The following GRM7 variants were observed in gnomAD, a reference collection of about 807,000 sequenced individuals.
GRM7 encodes metabotropic glutamate receptor 7.
Under a neutral mutation model 84.5 loss-of-function variants are expected in GRM7, and 35 were observed. That is an observed-to-expected ratio of 0.41 (90% CI 0.32 to 0.55). The LOEUF (loss-of-function observed/expected upper bound fraction) is 0.55. GRM7 is among the 20% of genes least tolerant of loss of function. The pLI is 0.19. For synonymous variants in GRM7, 487 were observed against 455.1 expected (o/e 1.07, Z -0.89); for missense variants, 1,003 against 1,194.6 (o/e 0.84, Z 2.36).
chr3:7,679,963 A>T, intron 8 of GRM7, 86 bp from the exon 9 acceptor site: 4 of 1,253,928 alleles, frequency 3.2e-6, no homozygotes, highest in Non-Finnish European at 3.4e-6. Context: ...TCCTAGCCAT[A>T]GTCGTTCTTG....
chr3:7,484,433 A>G (rs531882776), intron 7 of GRM7, among the ~76,000 whole-genome samples: 69 of 152,324 alleles, frequency 4.5e-4, no homozygotes, highest in African/African-American at 1.5e-3. Context: ...GATAATATCA[A>G]TACTGTGAGT....
intron 4 of GRM7, among the ~76,000 whole-genome samples, chr3:7,309,087 G>C (rs1700298734): frequency 6.6e-6 from 1 of 152,160 alleles, no homozygotes; most frequent in South Asian, 2.1e-4. Context: ...CCAGAGAAGA[G>C]TGAAGATTTT....
chr3:7,061,766 C>T (rs1697441576), intron 1 of GRM7, among the ~76,000 whole-genome samples: 1 of 151,628 alleles, frequency 6.6e-6, no homozygotes, highest in Admixed American at 6.6e-5. Flanking sequence ...TAATAACCTG[C>T]AAGACCATCC....
chr3:6,963,127 T>C (rs1479436274), intron 1 of GRM7, among the ~76,000 whole-genome samples: 1 of 152,216 alleles, frequency 6.6e-6, no homozygotes, highest in Non-Finnish European at 1.5e-5. Flanking sequence ...GGAGATGTTT[T>C]CCAGGTGGCC....
chr3:7,010,697 G>C (rs1559382277), intron 1 of GRM7, among the ~76,000 whole-genome samples: 1 of 152,308 alleles, frequency 6.6e-6, no homozygotes, highest in East Asian at 1.9e-4. Context: ...GGAGCTAGTT[G>C]AGAAGAGTGT....
At chr3:6,890,917 T>C (rs190078789) in intron 1 of GRM7, among the ~76,000 whole-genome samples, 1 of 152,286 alleles carries the variant, frequency 6.6e-6, no homozygotes, top group East Asian at 1.9e-4. Flanking sequence ...TGGGTGCTCC[T>C]GTATTGGGTG....
chr3:7,685,329 T>A (rs186652899), intron 9 of GRM7, among the ~76,000 whole-genome samples: 1 of 152,210 alleles, frequency 6.6e-6, no homozygotes, highest in Non-Finnish European at 1.5e-5. Context: ...GGCCCTAAGC[T>A]ACCTTTCTCT....
chr3:7,008,341 C>T (rs1559380973), intron 1 of GRM7, among the ~76,000 whole-genome samples: 1 of 152,136 alleles, frequency 6.6e-6, no homozygotes, highest in African/African-American at 2.4e-5. Context: ...TTGTTTAGGA[C>T]CTGGTCCTTA....
intron 1 of GRM7, among the ~76,000 whole-genome samples, chr3:6,957,103 C>T (rs929299637): frequency 1.3e-5 from 2 of 152,176 alleles, no homozygotes; most frequent in African/African-American, 4.8e-5. Flanking sequence ...CCTTCAGTGA[C>T]CCTATGAGTG....
intron 7 of GRM7, among the ~76,000 whole-genome samples, chr3:7,545,044 A>T (rs1693078825): frequency 6.6e-6 from 1 of 152,234 alleles, no homozygotes; most frequent in African/African-American, 2.4e-5. Context: ...TAAGAAATGC[A>T]GTGGTATTTA....
At chr3:7,347,346 A>G (rs918910888) in intron 4 of GRM7, among the ~76,000 whole-genome samples, 9 of 152,154 alleles carry the variant, frequency 5.9e-5, no homozygotes, top group African/African-American at 1.9e-4. Context: ...GATATTTGGA[A>G]CCTACTCTCC....
At chr3:7,099,236 A>ATAT (rs1246844004) in intron 1 of GRM7, among the ~76,000 whole-genome samples, 2 of 110,492 alleles carry the variant, frequency 1.8e-5, no homozygotes, top group Non-Finnish European at 3.3e-5. Flanking sequence ...TGTATTATAC[A>ATAT]TGTATATATG....
chr3:7,446,222 C>CA (rs1697500477), intron 5 of GRM7, among the ~76,000 whole-genome samples: 2 of 152,106 alleles, frequency 1.3e-5, no homozygotes, highest in Admixed American at 1.3e-4. Context: ...TCAGACTTTC[C>CA]AAAGCAAATC....
At chr3:7,025,533 A>G (rs536488843) in intron 1 of GRM7, among the ~76,000 whole-genome samples, 5 of 152,320 alleles carry the variant, frequency 3.3e-5, no homozygotes, top group South Asian at 4.1e-4. Context: ...CAGCTTCCCC[A>G]GAATTCTTCT....
chr3:7,307,262 G>T (rs1014306712), intron 4 of GRM7, among the ~76,000 whole-genome samples: 4 of 151,878 alleles, frequency 2.6e-5, no homozygotes, highest in African/African-American at 7.3e-5. Context: ...AAGAGTGTCT[G>T]TTGCCACCCT....
At chr3:7,288,826 ATC>A (rs2125007191) in intron 2 of GRM7, among the ~76,000 whole-genome samples, 1 of 152,304 alleles carries the variant, frequency 6.6e-6, no homozygotes, top group African/African-American at 2.4e-5. Context: ...GTCTGATAAT[ATC>A]CCGAGAACCA....
At chr3:7,475,325 T>C (rs17047411) in intron 7 of GRM7, among the ~76,000 whole-genome samples, 11,940 of 152,204 alleles carry the variant, frequency 0.078, 1,526 homozygotes, top group African/African-American at 0.27. Context: ...AAGCGAGCTT[T>C]AACACATTGA....
chr3:7,354,034 G>C (rs1693277147), intron 4 of GRM7, among the ~76,000 whole-genome samples: 1 of 152,064 alleles, frequency 6.6e-6, no homozygotes, highest in Admixed American at 6.6e-5. Flanking sequence ...TAAAAACAGA[G>C]AATTTTTAGT....
intron 1 of GRM7, among the ~76,000 whole-genome samples, chr3:7,021,161 C>T (rs959982947): frequency 6.6e-6 from 1 of 152,110 alleles, no homozygotes. Flanking sequence ...TTAAATTGAT[C>T]AACCCTTTAT....
Sources: gnomAD v4.1 joint callset for allele counts (sites outside exome capture counted in the v4.1 genomes callset) on GRCh38, gnomAD v4.1.1 for gene constraint, MANE v1.5 for transcripts, NCBI Gene and HGNC (gene_info 2026-07-23, HGNC 2026-07-21) for gene names.